Variants in RAB5C observed in about 807,000 individuals in gnomAD.
The protein encoded by RAB5C is ras-related protein Rab-5C.
RAB5C carries 4 observed loss-of-function variants against 25.2 expected under a neutral mutation model. That is an observed-to-expected ratio of 0.16 (90% CI 0.08 to 0.36). The LOEUF (loss-of-function observed/expected upper bound fraction) is 0.36, where lower values mean the gene tolerates loss of function less well. Among genes scored for constraint, RAB5C ranks in the 10% least tolerant of loss-of-function variants. The pLI, the probability that RAB5C is intolerant of heterozygous loss-of-function variation, is 1.00. For missense variants in RAB5C, 199 were observed against 283.8 expected (o/e 0.70, Z 2.15); for synonymous variants, 100 against 106.4 (o/e 0.94, Z 0.37).
At chr17:42,153,178 G>A (rs2144106190) in intron 1 of RAB5C, among the ~76,000 whole-genome samples, 1 of 152,328 alleles carries the variant, frequency 6.6e-6, no homozygotes, top group South Asian at 2.1e-4. Flanking sequence ...CACTTTGGGA[G>A]GCTGAGGCGG....
intron 1 of RAB5C, among the ~76,000 whole-genome samples, chr17:42,147,293 C>T (rs993956741): frequency 6.6e-6 from 1 of 152,198 alleles, no homozygotes; most frequent in Admixed American, 6.5e-5. Context: ...TACCACTGGT[C>T]TGAACAGCTG....
chr17:42,151,431 C>T (rs551386354), intron 1 of RAB5C, among the ~76,000 whole-genome samples: 26 of 150,400 alleles, frequency 1.7e-4, no homozygotes, highest in African/African-American at 5.6e-4. Context: ...AGCGAGACTC[C>T]GACTCAAAAA....
chr17:42,135,705 C>A (rs1490755170), intron 1 of RAB5C, among the ~76,000 whole-genome samples: 2 of 152,332 alleles, frequency 1.3e-5, no homozygotes, highest in East Asian at 1.9e-4. Flanking sequence ...AATTCCTCCC[C>A]CTAACCTCCC....
intron 1 of RAB5C, among the ~76,000 whole-genome samples, chr17:42,131,121 T>G (rs1295551885): frequency 6.6e-6 from 1 of 152,162 alleles, no homozygotes; most frequent in African/African-American, 2.4e-5. Context: ...GCCAACCTCA[T>G]GGCCATTCAG....
At chr17:42,128,535 A>AC in intron 3 of RAB5C, 114 bp downstream of exon 3, 2 of 405,644 alleles carry the variant, frequency 4.9e-6, no homozygotes, top group Non-Finnish European at 8.8e-6. Context: ...AAATCTGCCC[A>AC]CCCCCCACCC....
intron 1 of RAB5C, among the ~76,000 whole-genome samples, chr17:42,144,978 A>AAAGAAAC (rs2079624970): frequency 8.0e-6 from 1 of 124,748 alleles, no homozygotes; most frequent in Non-Finnish European, 1.7e-5. Flanking sequence ...AAAAAAAAAA[A>AAAGAAAC]AAGAAACCCC....
chr17:42,129,375 C>T (rs749786748), intron 2 of RAB5C, among the ~76,000 whole-genome samples: 5 of 152,208 alleles, frequency 3.3e-5, no homozygotes, highest in African/African-American at 4.8e-5. Flanking sequence ...CTCCAGCTAG[C>T]CACCGCCCCT....
At chr17:42,142,883 A>C (rs1249744107) in intron 1 of RAB5C, among the ~76,000 whole-genome samples, 2 of 152,180 alleles carry the variant, frequency 1.3e-5, no homozygotes, top group Non-Finnish European at 2.9e-5. Context: ...AAAGACACTG[A>C]CTGGCCCGGA....
At chr17:42,126,504 C>T (rs9902341) in intron 5 of RAB5C, 57,229 of 235,810 alleles carry the variant, frequency 0.24, 9,826 homozygotes, top group African/African-American at 0.56. Context: ...TGGTGGTGGG[C>T]ACCAGTAGTC....
At chr17:42,126,444 A>G (rs1403141714) in intron 5 of RAB5C, 1 of 196,674 alleles carries the variant, frequency 5.1e-6, no homozygotes, top group Non-Finnish European at 1.1e-5. Context: ...CATCCTGGCT[A>G]ACACCGTGAA....
chr17:42,142,020 A>G (rs1380784520), intron 1 of RAB5C, among the ~76,000 whole-genome samples: 1 of 152,064 alleles, frequency 6.6e-6, no homozygotes, highest in Non-Finnish European at 1.5e-5. Context: ...GTTTCCTAGA[A>G]GATACTCAGT....
At chr17:42,148,109 A>C (rs548059100) in intron 1 of RAB5C, among the ~76,000 whole-genome samples, 97 of 149,550 alleles carry the variant, frequency 6.5e-4, no homozygotes, top group African/African-American at 1.8e-3. Flanking sequence ...AAAAACAAAC[A>C]AAAAAAAAGA....
chr17:42,148,471 T>C (rs1402846303), intron 1 of RAB5C, among the ~76,000 whole-genome samples: 1 of 149,360 alleles, frequency 6.7e-6, no homozygotes, highest in Non-Finnish European at 1.5e-5. Context: ...CAGGTTTGAA[T>C]GTCTGCCCTC....
intron 1 of RAB5C, among the ~76,000 whole-genome samples, chr17:42,148,078 A>C (rs1474733286): frequency 1.3e-5 from 2 of 151,762 alleles, no homozygotes. Context: ...AGCCTGGGCA[A>C]CAAGAGCAAA....
At chr17:42,134,213 A>G (rs943789640) in intron 1 of RAB5C, among the ~76,000 whole-genome samples, 1 of 152,128 alleles carries the variant, frequency 6.6e-6, no homozygotes, top group Non-Finnish European at 1.5e-5. Context: ...CATGGCAGGT[A>G]GTAAAGGTGA....
intron 1 of RAB5C, among the ~76,000 whole-genome samples, chr17:42,154,171 C>T (rs1258587426): frequency 6.6e-6 from 1 of 152,142 alleles, no homozygotes; most frequent in Non-Finnish European, 1.5e-5. Context: ...TGAATGGGCA[C>T]ATCCACCCTG....
At chr17:42,147,084 G>T (rs1568025047) in intron 1 of RAB5C, among the ~76,000 whole-genome samples, 1 of 147,630 alleles carries the variant, frequency 6.8e-6, no homozygotes, top group Non-Finnish European at 1.5e-5. Context: ...AAGAAAGAAA[G>T]AAAGAAAGAA....
chr17:42,137,871 G>A (rs1214661572), intron 1 of RAB5C: 1 of 151,780 alleles, frequency 6.6e-6, no homozygotes, highest in African/African-American at 2.4e-5. Flanking sequence ...TGGCGAGAGA[G>A]CGAGACTCTG....
chr17:42,139,893 G>A (rs74875780), intron 1 of RAB5C, among the ~76,000 whole-genome samples: 4,228 of 152,324 alleles, frequency 0.028, 198 homozygotes, highest in African/African-American at 0.097. Flanking sequence ...ATGCCAGGCA[G>A]GATGCTAGGA....
Sources: gnomAD v4.1 joint callset for allele counts (sites outside exome capture counted in the v4.1 genomes callset) on GRCh38, gnomAD v4.1.1 for gene constraint, MANE v1.5 for transcripts, NCBI Gene and HGNC (gene_info 2026-07-23, HGNC 2026-07-21) for gene names.